The following SH3GL1 variants were observed in gnomAD, a reference collection of about 807,000 sequenced individuals.
SH3GL1 encodes SH3 domain containing GRB2 like 1, endophilin A2, also known as endophilin-A2.
Under a neutral mutation model 48.8 loss-of-function variants are expected in SH3GL1, and 21 were observed. The observed-to-expected ratio is 0.43, with a 90% CI of 0.30 to 0.62. The LOEUF is 0.62. Ranked by LOEUF, SH3GL1 falls within the 20% of genes least tolerant of loss-of-function variation. The pLI, the probability that SH3GL1 is intolerant of heterozygous loss-of-function variation, is 0.11. For synonymous variants in SH3GL1, 282 were observed against 217.5 expected, an observed-to-expected ratio of 1.30 and a Z score of -2.61; for missense variants, 454 against 503.0, an observed-to-expected ratio of 0.90 and a Z score of 0.93.
intron 1 of SH3GL1, among the ~76,000 whole-genome samples, chr19:4,379,790 G>A (rs949422019): frequency 6.6e-6 from 1 of 152,084 alleles, no homozygotes; most frequent in African/African-American, 2.4e-5. Flanking sequence ...CTGCTGCTGC[G>A]ACGTCAACAC....
chr19:4,389,158 C>T lies in SH3GL1; in HGVS notation c.45+11166G>A, dbSNP rs1973289910. ...CTGTAGGGGGCGTCTCTGGCAACCTCATCAGCAGGCCAGTGCCCAGCAGAA... is the reference window on the plus strand; with the variant it reads ...CTGTAGGGGGCGTCTCTGGCAACCTTATCAGCAGGCCAGTGCCCAGCAGAA... On this transcript the variant is annotated intron_variant, in intron 1 of 9. Transcript: ENST00000269886. This position sits in a 1 kb window ranked among gnomAD's most constrained non-coding sequence, Gnocchi z 4.5. Among the ~76,000 whole-genome samples the T allele has an allele frequency of 6.6e-5, 10 of 152,306 alleles. No individual in the cohort carries two copies. The South Asian group carries it at 2.1e-3, about 32-fold the overall frequency.
Position 4,400,480 on chromosome 19 carries a change from C to A in SH3GL1, c.-112G>T. On this transcript the variant is annotated 5_prime_UTR_variant, in exon 1 of 10. Coordinates refer to ENST00000269886, the MANE Select transcript of SH3GL1 (RefSeq NM_003025.4). The surrounding 1 kb of genome is among the most constrained non-coding windows in gnomAD (Gnocchi z 4.1). ...CCCCGTCGGCGCCGCCTCCGCCACC[C>A]GCTTGCCAGCTCCGCGCCCGCCCCG... The A allele has an allele frequency of 1.0e-6, 1 of 972,876 alleles. No homozygotes were observed. The highest frequency in any genetic ancestry group is 1.3e-6 in the Non-Finnish European group (1 of 779,362). The allele number at this position is 972,876 out of a possible 1,614,324, so 60.3% of individuals were successfully genotyped here. A position where few individuals can be genotyped will look rare whatever the true frequency, so the allele number is the denominator to read the frequency against.
At chr19:4,391,963 G>A (rs996691354) in intron 1 of SH3GL1, among the ~76,000 whole-genome samples, 4 of 152,340 alleles carry the variant, frequency 2.6e-5, no homozygotes, top group Non-Finnish European at 5.9e-5. Context: ...CTGCAAGAAC[G>A]GACTTAACTC....
chr19:4,366,388 T>G (rs1219202149), intron 3 of SH3GL1, 113 bp downstream of exon 3: 1 of 802,566 alleles, frequency 1.2e-6, no homozygotes, highest in Non-Finnish European at 2.1e-6. Context: ...GGGATCCAGC[T>G]GTGCCTGAAG....
Position 4,364,208 on chromosome 19 carries a change from C to T in SH3GL1, c.345G>A (p.Leu115=). 6.2e-7 allele frequency: 1 copy of T among 1,613,944 alleles called. No homozygotes were observed. Among genetic ancestry groups the T allele is most frequent in the Non-Finnish European group, 8.5e-7 (1 of 1,180,046 alleles). Residue 115 remains leucine (L), a synonymous_variant, in exon 5 of 10, where the codon CTG becomes CTA. Coordinates refer to ENST00000269886, the MANE Select transcript of SH3GL1 (RefSeq NM_003025.4). ...GGCGCTTCATGGACTCGCCGGCATC[C>T]AGCAATGCGTCACCTGTGGAGAAGT... ...GGESNFGDAL[L]DAGESMKRLA...
intron 1 of SH3GL1, among the ~76,000 whole-genome samples, chr19:4,388,574 G>T (rs1268056423): frequency 6.6e-6 from 1 of 152,244 alleles, no homozygotes; most frequent in African/African-American, 2.4e-5. Flanking sequence ...CAGGATGGGT[G>T]GCCAGGCCCA....
At chr19:4,385,035 G>A (rs540243587) in intron 1 of SH3GL1, among the ~76,000 whole-genome samples, 16 of 151,712 alleles carry the variant, frequency 1.1e-4, no homozygotes, top group Non-Finnish European at 1.5e-4. Context: ...GCCTGGGAGC[G>A]GGAGGTTGCA....
At chr19:4,365,264 T>TGG (rs1972748720) in intron 4 of SH3GL1, among the ~76,000 whole-genome samples, 1 of 152,086 alleles carries the variant, frequency 6.6e-6, no homozygotes. Flanking sequence ...TGGCTTGAGT[T>TGG]GGGGAAGGTC....
At chr19:4,385,686 CAG>C (rs1474046491) in intron 1 of SH3GL1, among the ~76,000 whole-genome samples, 2 of 152,246 alleles carry the variant, frequency 1.3e-5, no homozygotes, top group African/African-American at 4.8e-5. Flanking sequence ...CTGACAGGCA[CAG>C]AGTGCTCTGG....
intron 1 of SH3GL1, among the ~76,000 whole-genome samples, chr19:4,374,958 A>G (rs2144886559): frequency 6.6e-6 from 1 of 152,278 alleles, no homozygotes; most frequent in African/African-American, 2.4e-5. Context: ...GTCCCAGCAC[A>G]TGGTGGCAGG....
Position 4,361,385 on chromosome 19 carries a change from T to A in SH3GL1, c.*215A>T. On this transcript the variant is annotated 3_prime_UTR_variant, in exon 10 of 10. Coordinates refer to ENST00000269886, the MANE Select transcript of SH3GL1 (RefSeq NM_003025.4). Reference sequence around the variant, plus strand: ...GGAAGGGAGCCGTCACCGTTGGGAGTCAGCGCTAGTGTAAACAGGCATCCC... The same window carrying A: ...GGAAGGGAGCCGTCACCGTTGGGAGACAGCGCTAGTGTAAACAGGCATCCC... 2 of 546,118 alleles carry A rather than the reference T, an allele frequency of 3.7e-6. No homozygotes were observed. Among genetic ancestry groups the A allele is most frequent in the East Asian group, 6.1e-5 (2 of 32,682 alleles). 33.8% of individuals were successfully genotyped at this position (546,118 alleles called of 1,614,324 possible). A position where few individuals can be genotyped will look rare whatever the true frequency, so the allele number is the denominator to read the frequency against.
chr19:4,370,857 G>A (rs949330433), intron 1 of SH3GL1, among the ~76,000 whole-genome samples: 2 of 152,250 alleles, frequency 1.3e-5, no homozygotes, highest in Non-Finnish European at 2.9e-5. Context: ...GTGGCCTCTG[G>A]GAAGGATCCC....
Position 4,375,460 on chromosome 19 carries a change from G to A in SH3GL1, c.46-8466C>T, listed in dbSNP as rs370064795. ...CCAGGGCTGGGCGAGGAATCTGGGA[G>A]CAGGTGGGAAGCTCATGCTACCTTC... On this transcript the variant is annotated intron_variant, in intron 1 of 9. Transcript: ENST00000269886. Among the ~76,000 whole-genome samples the A allele has an allele frequency of 4.5e-4, 68 of 152,384 alleles. 1 individual carries two copies. In the East Asian group the frequency reaches 9.6e-3, roughly 22 times the overall value.
At chr19:4,366,861 A>AT in intron 2 of SH3GL1, 65 bp downstream of exon 2, 3 of 1,527,414 alleles carry the variant, frequency 2.0e-6, no homozygotes, top group Non-Finnish European at 2.7e-6. Flanking sequence ...CGCCTCCACT[A>AT]TGCCCGGCAG....
chr19:4,392,957 A>C (rs937570114), intron 1 of SH3GL1, among the ~76,000 whole-genome samples: 1 of 152,066 alleles, frequency 6.6e-6, no homozygotes, highest in African/African-American at 2.4e-5. Flanking sequence ...AATACGTAAA[A>C]TTTTAAAAAA....
rs368989530 is a variant in SH3GL1, at chr19:4,367,221, A to G, written c.46-227T>C. 6.6e-6 allele frequency among the ~76,000 whole-genome samples: 1 copy of G among 151,928 alleles called. No individual in the cohort carries two copies. Among genetic ancestry groups the G allele is most frequent in the East Asian group, 1.9e-4 (1 of 5,148 alleles). ...GGGGGAGGGTGGGGGTGGCCTGCCC[A>G]CCTGTGTGTGTCCCGACTGCCACTC... On this transcript the variant is annotated intron_variant, in intron 1 of 9. Coordinates refer to ENST00000269886, the MANE Select transcript of SH3GL1 (RefSeq NM_003025.4). The surrounding 1 kb of genome is among the most constrained non-coding windows in gnomAD (Gnocchi z 4.2).
Position 4,387,721 on chromosome 19 carries a change from G to A in SH3GL1, c.45+12603C>T, listed in dbSNP as rs243407. ...TGTGCGGGGTTTTTTGTGTTGTTTT[G>A]TTTTTGAGGCAGAGTGCAGTGGTGC... is the stretch of plus-strand genomic sequence containing the variant. On this transcript the variant is annotated intron_variant, in intron 1 of 9. Transcript: ENST00000269886. Among the ~76,000 whole-genome samples, 1,009 of 152,152 alleles carry A rather than the reference G, an allele frequency of 6.6e-3. 8 individuals carry two copies. The highest frequency in any genetic ancestry group is 9.3e-3 in the Non-Finnish European group (632 of 67,996).
At chr19:4,399,351 G>T (rs1298211770) in intron 1 of SH3GL1, among the ~76,000 whole-genome samples, 1 of 130,444 alleles carries the variant, frequency 7.7e-6, no homozygotes. Flanking sequence ...AATCCAAGAA[G>T]TGTGGAGTAT....
chr19:4,361,914 T>C (rs1017941278), intron 9 of SH3GL1, 118 bp from the exon 10 acceptor site: 14 of 721,904 alleles, frequency 1.9e-5, no homozygotes, highest in Non-Finnish European at 3.2e-5. Flanking sequence ...CCCTCTGCCC[T>C]GCCTGGGCCA....
Sources: gnomAD v4.1 joint callset for allele counts (sites outside exome capture counted in the v4.1 genomes callset) on GRCh38, gnomAD v4.1.1 for gene constraint, Gnocchi (gnomAD v3.1) non-coding constraint, MANE v1.5 for transcripts, NCBI Gene and HGNC (gene_info 2026-07-23, HGNC 2026-07-21) for gene names.